Variants in FAT3 observed in about 807,000 individuals in gnomAD.
FAT3 encodes FAT atypical cadherin 3.
A neutral mutation model predicts 310.2 loss-of-function variants in FAT3; 95 were observed. That is an observed-to-expected ratio of 0.31 (90% CI 0.26 to 0.36). The LOEUF is 0.36. FAT3 is among the 10% of genes least tolerant of loss of function. The probability of loss-of-function intolerance (pLI) is 1.00; values close to 1 mark genes in which losing one functional copy is unlikely to be tolerated. For synonymous variants in FAT3, 2,314 were observed against 2,192.9 expected (o/e 1.06, Z -1.54); for missense variants, 5,408 against 5,715.6 (o/e 0.95, Z 1.74).
chr11:92,722,344 C>G (rs866475316), intron 4 of FAT3, among the ~76,000 whole-genome samples: 3 of 152,222 alleles, frequency 2.0e-5, no homozygotes, highest in Middle Eastern at 3.2e-3. Context: ...TCCTTTGACT[C>G]CATGTCTCAT....
chr11:92,650,590 C>A (rs1429653914), intron 3 of FAT3, among the ~76,000 whole-genome samples: 1 of 152,122 alleles, frequency 6.6e-6, no homozygotes, highest in Non-Finnish European at 1.5e-5. Context: ...GTAATGCTTG[C>A]TGATTTTTGT....
intron 2 of FAT3, among the ~76,000 whole-genome samples, chr11:92,463,742 A>G (rs1230305155): frequency 6.6e-6 from 1 of 152,094 alleles, no homozygotes; most frequent in African/African-American, 2.4e-5. Flanking sequence ...GTAGTCTGGC[A>G]CTCATATCTT....
At chr11:92,856,590 CCCTTG>C (rs1175489992) in intron 19 of FAT3, among the ~76,000 whole-genome samples, 12 of 152,172 alleles carry the variant, frequency 7.9e-5, no homozygotes, top group African/African-American at 2.4e-4. Context: ...GGGAAGCCTT[CCCTTG>C]CCAAGGATAA....
intron 4 of FAT3, among the ~76,000 whole-genome samples, chr11:92,724,700 T>A (rs1187115553): frequency 6.6e-6 from 1 of 152,190 alleles, no homozygotes; most frequent in Non-Finnish European, 1.5e-5. Context: ...TTGAATTAAT[T>A]ACCCCCACTA....
intron 6 of FAT3, among the ~76,000 whole-genome samples, chr11:92,767,251 CAAA>C (rs572259436): frequency 1.2e-4 from 7 of 58,914 alleles, no homozygotes; most frequent in Admixed American, 1.9e-4. Context: ...GACTCTGTCT[CAAA>C]AAAAAAAAAA....
At chr11:92,632,849 G>A (rs1282684642) in intron 3 of FAT3, among the ~76,000 whole-genome samples, 1 of 152,162 alleles carries the variant, frequency 6.6e-6, no homozygotes, top group Non-Finnish European at 1.5e-5. Flanking sequence ...GGTCAGAAGG[G>A]AAGTGCCTCT....
chr11:92,799,563 C>T lies in FAT3; in HGVS notation c.6550C>T (p.Pro2184Ser). Residue 2184 changes from proline (P) to serine (S), a missense_variant, in exon 10 of 28, where the codon CCT becomes TCT. Coordinates refer to ENST00000525166, the MANE Select transcript of FAT3 (RefSeq NM_001367949.2). ...LPITIVNKAM[P>S]VFDKPFYTAS... ...CATCACTATTGTCAACAAAGCAATG[C>T]CTGTGTTTGATAAGCCCTTTTATAC... 1 of 1,613,786 alleles carries T rather than the reference C, an allele frequency of 6.2e-7. No individual in the cohort carries two copies. Among genetic ancestry groups the T allele is most frequent in the Non-Finnish European group, 8.5e-7 (1 of 1,179,836 alleles).
chr11:92,498,452 T>C (rs1952832214), intron 2 of FAT3: 2 of 175,500 alleles, frequency 1.1e-5, no homozygotes, highest in South Asian at 2.9e-4. Flanking sequence ...GTGGACCTGT[T>C]GGTGCTGAGT....
At chr11:92,475,768 T>C (rs949018411) in intron 2 of FAT3, among the ~76,000 whole-genome samples, 1 of 152,202 alleles carries the variant, frequency 6.6e-6, no homozygotes, top group Non-Finnish European at 1.5e-5. Flanking sequence ...CACATATTTA[T>C]GAGTATGAAT....
At chr11:92,534,639 G>A (rs1230829200) in intron 3 of FAT3, among the ~76,000 whole-genome samples, 1 of 152,080 alleles carries the variant, frequency 6.6e-6, no homozygotes, top group African/African-American at 2.4e-5. Context: ...GATGTGTGTG[G>A]GCCCTAATTC....
intron 3 of FAT3, among the ~76,000 whole-genome samples, chr11:92,568,255 C>G (rs1329986559): frequency 3.3e-5 from 5 of 151,928 alleles, no homozygotes; most frequent in Non-Finnish European, 5.9e-5. Context: ...TTTAAGTTCC[C>G]CCAAGATAAG....
chr11:92,325,324 G>A (rs1004312017), intron 1 of FAT3, among the ~76,000 whole-genome samples: 5 of 152,180 alleles, frequency 3.3e-5, no homozygotes, highest in African/African-American at 1.2e-4. Flanking sequence ...CTGAGAAAGT[G>A]TAGAAAGCCC....
At chr11:92,803,507 T>C (rs570159108) in intron 10 of FAT3, among the ~76,000 whole-genome samples, 5 of 152,308 alleles carry the variant, frequency 3.3e-5, no homozygotes, top group African/African-American at 9.6e-5. Flanking sequence ...TAAAGCATAA[T>C]TGAATCCTGG....
intron 3 of FAT3, among the ~76,000 whole-genome samples, chr11:92,652,529 GA>G (rs553841130): frequency 7.2e-5 from 11 of 152,172 alleles, no homozygotes; most frequent in Non-Finnish European, 1.6e-4. Context: ...AGGCTTTGAT[GA>G]AAACACAGAA....
At chr11:92,793,642 T>G (rs1352618716) in intron 9 of FAT3, among the ~76,000 whole-genome samples, 1 of 152,210 alleles carries the variant, frequency 6.6e-6, no homozygotes, top group East Asian at 1.9e-4. Flanking sequence ...GACTGAGAGA[T>G]GAATGGCTAA....
intron 3 of FAT3, among the ~76,000 whole-genome samples, chr11:92,621,954 G>A (rs943813040): frequency 5.3e-5 from 8 of 152,114 alleles, no homozygotes; most frequent in East Asian, 1.9e-4. Flanking sequence ...AACAACCCAC[G>A]TAATTCGAAT....
chr11:92,671,361 T>G (rs1337059070), intron 3 of FAT3, among the ~76,000 whole-genome samples: 2 of 152,108 alleles, frequency 1.3e-5, no homozygotes, highest in East Asian at 3.9e-4. Context: ...TAGCCTTCTT[T>G]CCGTTTCACT....
At chr11:92,754,060 A>G (rs1382483861) in intron 4 of FAT3, among the ~76,000 whole-genome samples, 1 of 152,046 alleles carries the variant, frequency 6.6e-6, no homozygotes, top group African/African-American at 2.4e-5. Flanking sequence ...GGGTGCACCA[A>G]CATCCCACAA....
At chr11:92,525,366 C>T (rs1953824084) in intron 3 of FAT3, among the ~76,000 whole-genome samples, 1 of 152,150 alleles carries the variant, frequency 6.6e-6, no homozygotes, top group Non-Finnish European at 1.5e-5. Context: ...ACCTCAAACT[C>T]CAGATGTTTT....
Sources: gnomAD v4.1 joint callset for allele counts (sites outside exome capture counted in the v4.1 genomes callset) on GRCh38, gnomAD v4.1.1 for gene constraint, MANE v1.5 for transcripts, NCBI Gene and HGNC (gene_info 2026-07-23, HGNC 2026-07-21) for gene names.